PHACTR1: variants seen among roughly 807,000 people sequenced by gnomAD.
The protein encoded by PHACTR1 is RPEL repeat containing 1.
Under a neutral mutation model 69.2 loss-of-function variants are expected in PHACTR1, and 16 were observed. That is an observed-to-expected ratio of 0.23 (90% confidence interval 0.16 to 0.35). PHACTR1 has a LOEUF of 0.35. Ranked by LOEUF, PHACTR1 falls within the 10% of genes least tolerant of loss-of-function variation. The pLI is 1.00. For missense variants in PHACTR1, 510 were observed against 734.7 expected (o/e 0.69, Z 3.54); for synonymous variants, 312 against 284.5 (o/e 1.10, Z -0.97).
At chr6:12,891,455 T>A (rs751080560) in intron 4 of PHACTR1, among the ~76,000 whole-genome samples, 1 of 152,224 alleles carries the variant, frequency 6.6e-6, no homozygotes, top group Non-Finnish European at 1.5e-5. Flanking sequence ...GATTGAGACA[T>A]GTTTGCATTT....
rs548569094 is a variant in PHACTR1, at chr6:13,057,615, G to A, written c.415+4086G>A. Among the ~76,000 whole-genome samples the A allele has an allele frequency of 7.2e-5, 11 of 152,220 alleles. No individual in the cohort carries two copies. In the East Asian group the frequency reaches 1.7e-3, roughly 24 times the overall value. ...TCTCTTTGTAATTAAATTTCTGGGT[G>A]TACCTTTATACAAGGAATAAATTAC... On this transcript the variant is annotated intron_variant, in intron 5 of 14. Transcript: ENST00000332995.
intron 10 of PHACTR1, among the ~76,000 whole-genome samples, chr6:13,261,150 G>T (rs1775853917): frequency 6.6e-6 from 1 of 152,234 alleles, no homozygotes; most frequent in Non-Finnish European, 1.5e-5. Flanking sequence ...AGACTGGAGA[G>T]TTACTGAGAC....
At chr6:13,016,114 G>A (rs929739681) in intron 4 of PHACTR1, among the ~76,000 whole-genome samples, 1 of 152,224 alleles carries the variant, frequency 6.6e-6, no homozygotes, top group African/African-American at 2.4e-5. Context: ...ATAGTCTGTA[G>A]GGAGTGGATG....
At position 13,278,355 on chromosome 6, in the gene PHACTR1, T is replaced by C. The variant is rs762471735; in HGVS notation, c.1509+26T>C. On this transcript the variant is annotated intron_variant, in intron 12 of 14. Transcript: ENST00000332995. ...GTAGGTGGTTCTCCATGCCAAGAGC[T>C]GGGACAGGAGAGGGTGGGCTGCCTG... The C allele has an allele frequency of 5.1e-6, 8 of 1,573,984 alleles. No individual in the cohort carries two copies. In the East Asian group the frequency reaches 1.9e-4, roughly 37 times the overall value.
intron 4 of PHACTR1, among the ~76,000 whole-genome samples, chr6:12,758,466 TAAAAAA>T (rs11361990): frequency 3.1e-5 from 3 of 95,796 alleles, no homozygotes; most frequent in African/African-American, 1.3e-4. Context: ...ACTCTCTTTC[TAAAAAA>T]AAAAAAAAAA....
At chr6:13,240,233 T>C (rs1413794700) in intron 10 of PHACTR1, among the ~76,000 whole-genome samples, 1 of 152,156 alleles carries the variant, frequency 6.6e-6, no homozygotes, top group Non-Finnish European at 1.5e-5. Flanking sequence ...CTGGGCTGCA[T>C]GGTCACATTT....
intron 4 of PHACTR1, among the ~76,000 whole-genome samples, chr6:12,828,836 G>A (rs530909497): frequency 1.2e-4 from 19 of 152,202 alleles, no homozygotes; most frequent in South Asian, 1.2e-3. Flanking sequence ...GGGTGGTTAC[G>A]GAGAGATTGG....
chr6:12,957,986 AC>A, intron 4 of PHACTR1: 1 of 985,392 alleles, frequency 1.0e-6, no homozygotes. Flanking sequence ...CAGGAAACAG[AC>A]CCAGAGAGGC....
chr6:12,890,978 G>T (rs1350104503), intron 4 of PHACTR1, among the ~76,000 whole-genome samples: 3 of 152,164 alleles, frequency 2.0e-5, no homozygotes, highest in African/African-American at 7.2e-5. Context: ...TTGGGACAAA[G>T]TAATGCTCAA....
intron 4 of PHACTR1, among the ~76,000 whole-genome samples, chr6:12,903,961 T>TAAAAA (rs757970766): frequency 1.4e-3 from 218 of 152,338 alleles, no homozygotes; most frequent in Non-Finnish European, 2.7e-3. Context: ...TTAAAACTTT[T>TAAAAA]AAAGTCAATT....
intron 4 of PHACTR1, among the ~76,000 whole-genome samples, chr6:13,051,665 C>T (rs932763166): frequency 6.6e-6 from 1 of 152,178 alleles, no homozygotes; most frequent in Non-Finnish European, 1.5e-5. Context: ...AAAACTTAAG[C>T]CCAAAGTGAC....
intron 5 of PHACTR1, among the ~76,000 whole-genome samples, chr6:13,095,305 A>G (rs1351459056): frequency 6.6e-6 from 1 of 152,250 alleles, no homozygotes; most frequent in Admixed American, 6.5e-5. Flanking sequence ...ATTAATTCAT[A>G]AAATAAGCAA....
In PHACTR1 at chr6:13,275,145, G is replaced by A. The variant is rs1043905341; in HGVS notation, c.1447+2230G>A. ...GTTGGGTGGTGGGGAACAGGGCACA[G>A]AGATGCCATGGCTCAGCCCTGGAGC... On this transcript the variant is annotated intron_variant, in intron 11 of 14. Coordinates refer to ENST00000332995, the MANE Select transcript of PHACTR1 (RefSeq NM_030948.6). The surrounding 1 kb of genome is among the most constrained non-coding windows in gnomAD (Gnocchi z 4.0). The A allele has an allele frequency of 2.0e-5, 3 of 152,322 alleles. No individual in the cohort carries two copies. The highest frequency in any genetic ancestry group is 7.2e-5 in the African/African-American group (3 of 41,474). 9.4% of individuals were successfully genotyped at this position (152,322 alleles called of 1,614,324 possible). A position where few individuals can be genotyped will look rare whatever the true frequency, so the allele number is the denominator to read the frequency against.
intron 4 of PHACTR1, among the ~76,000 whole-genome samples, chr6:12,980,265 A>G (rs1795357321): frequency 6.6e-6 from 1 of 152,134 alleles, no homozygotes; most frequent in South Asian, 2.1e-4. Context: ...TGTGTGACAA[A>G]TGACAGATGC....
chr6:13,238,682 T>C (rs1253512753), intron 10 of PHACTR1, among the ~76,000 whole-genome samples: 6 of 152,148 alleles, frequency 3.9e-5, no homozygotes, highest in Admixed American at 2.6e-4. Flanking sequence ...TGGGGAAAAT[T>C]GGTGCGGTGA....
At chr6:12,955,938 A>G (rs923753872) in intron 4 of PHACTR1, among the ~76,000 whole-genome samples, 1 of 152,152 alleles carries the variant, frequency 6.6e-6, no homozygotes, top group Non-Finnish European at 1.5e-5. Flanking sequence ...ATGTGGATAG[A>G]TAGTTACAAA....
At chr6:13,263,679 C>T (rs893531426) in intron 10 of PHACTR1, among the ~76,000 whole-genome samples, 8 of 152,132 alleles carry the variant, frequency 5.3e-5, no homozygotes, top group African/African-American at 1.7e-4. Context: ...AAAGTGATCA[C>T]GTTTAGATAT....
chr6:13,042,197 C>G (rs189971713), intron 4 of PHACTR1, among the ~76,000 whole-genome samples: 1 of 152,152 alleles, frequency 6.6e-6, no homozygotes, highest in Non-Finnish European at 1.5e-5. Flanking sequence ...TATACCCCAC[C>G]TACATAATGG....
chr6:12,779,291 C>T (rs1325699837), intron 4 of PHACTR1, among the ~76,000 whole-genome samples: 3 of 152,044 alleles, frequency 2.0e-5, no homozygotes, highest in Non-Finnish European at 2.9e-5. Flanking sequence ...GCTGAGATCG[C>T]GCCATTGCAC....
Sources: allele counts gnomAD v4.1 joint callset (sites outside exome capture counted in the v4.1 genomes callset), GRCh38; gene constraint gnomAD v4.1.1; non-coding constraint Gnocchi (gnomAD v3.1); transcripts MANE v1.5; gene names NCBI Gene and HGNC (gene_info 2026-07-23, HGNC 2026-07-21).